The following SLC39A11 variants were observed in gnomAD, a reference collection of about 807,000 sequenced individuals.
SLC39A11 encodes solute carrier family 39 member 11.
Under a neutral mutation model 36.1 loss-of-function variants are expected in SLC39A11, and 33 were observed. The ratio of observed to expected loss-of-function variants is 0.91; its 90% CI spans 0.69 to 1.22. The LOEUF (loss-of-function observed/expected upper bound fraction) is 1.22. SLC39A11 is among the 50% of genes most tolerant of loss of function. The pLI is 0.00. For missense variants in SLC39A11, 432 were observed against 430.3 expected, an observed-to-expected ratio of 1.00 and a Z score of -0.03; for synonymous variants, 166 against 170.3, an observed-to-expected ratio of 0.97 and a Z score of 0.20.
intron 4 of SLC39A11, among the ~76,000 whole-genome samples, chr17:73,005,634 C>T (rs971550350): frequency 1.4e-4 from 21 of 152,172 alleles, no homozygotes; most frequent in African/African-American, 2.4e-4. Context: ...CATCTCAACA[C>T]GTGAGTCTGT....
At position 72,663,082 on chromosome 17, in the gene SLC39A11, A is replaced by T. The variant is rs760381210; in HGVS notation, c.672-13814T>A. 3.9e-5 allele frequency among the ~76,000 whole-genome samples: 6 copies of T among 152,336 alleles called. No homozygotes were observed. The South Asian group carries it at 6.2e-4, about 16-fold the overall frequency. On this transcript the variant is annotated intron_variant, in intron 7 of 9. Transcript: ENST00000255559. ...TTCTGAGTGAGAAAAACTAGACACA[A>T]AATAGTAAGTGTTGTACAGTCCTAT...
chr17:72,928,423 G>C (rs558301759), intron 5 of SLC39A11, among the ~76,000 whole-genome samples: 3 of 152,288 alleles, frequency 2.0e-5, no homozygotes, highest in South Asian at 2.1e-4. Context: ...AAAACAAAGG[G>C]ACCATCAGGA....
intron 6 of SLC39A11, among the ~76,000 whole-genome samples, chr17:72,767,833 T>C (rs1189650441): frequency 1.3e-5 from 2 of 152,122 alleles, no homozygotes; most frequent in Non-Finnish European, 2.9e-5. Context: ...AAAGACCTGC[T>C]GTACAAAGAA....
At chr17:72,889,119 C>G (rs549661154) in intron 5 of SLC39A11, among the ~76,000 whole-genome samples, 1 of 152,204 alleles carries the variant, frequency 6.6e-6, no homozygotes, top group Admixed American at 6.5e-5. Context: ...AATTTATAAA[C>G]GTTTAGAGAT....
intron 4 of SLC39A11, among the ~76,000 whole-genome samples, chr17:72,989,143 T>C (rs12940527): frequency 0.056 from 8,558 of 152,310 alleles, 283 homozygotes; most frequent in Non-Finnish European, 0.066. Flanking sequence ...AAAATGGTTA[T>C]GCTGGTCAGT....
intron 3 of SLC39A11, among the ~76,000 whole-genome samples, chr17:73,083,514 G>T (rs1157670498): frequency 6.6e-5 from 10 of 152,102 alleles, no homozygotes; most frequent in Admixed American, 6.6e-4. Context: ...CTTTTGATAT[G>T]GGTAATACAT....
At chr17:72,670,148 ACAC>A (rs776463412) in intron 7 of SLC39A11, among the ~76,000 whole-genome samples, 2 of 147,400 alleles carry the variant, frequency 1.4e-5, no homozygotes, top group East Asian at 2.0e-4. Flanking sequence ...ATACACACAC[ACAC>A]ATTTTATATA....
At chr17:72,764,243 G>A (rs1004039035) in intron 6 of SLC39A11, among the ~76,000 whole-genome samples, 2 of 152,086 alleles carry the variant, frequency 1.3e-5, no homozygotes, top group African/African-American at 4.8e-5. Flanking sequence ...GCTGACCTTT[G>A]GGGAGGTGGG....
chr17:72,955,006 T>C (rs887476506), intron 4 of SLC39A11, among the ~76,000 whole-genome samples: 3 of 152,332 alleles, frequency 2.0e-5, no homozygotes, highest in Non-Finnish European at 4.4e-5. Flanking sequence ...ACTTGGTCTC[T>C]CCTGGTTTTT....
intron 6 of SLC39A11, among the ~76,000 whole-genome samples, chr17:72,788,589 T>C (rs541829535): frequency 6.6e-6 from 1 of 152,312 alleles, no homozygotes; most frequent in East Asian, 1.9e-4. Flanking sequence ...AGAACTTGTC[T>C]CCAGAAAAGG....
chr17:72,809,858 TCAGGAGTTTGAGAC>T (rs1445209741), intron 6 of SLC39A11, among the ~76,000 whole-genome samples: 1 of 151,952 alleles, frequency 6.6e-6, no homozygotes, highest in African/African-American at 2.4e-5. Context: ...TCACTTGAGG[TCAGGAGTTTGAGAC>T]CAGCCTGGCC....
At chr17:72,653,638 C>T (rs990262125) in intron 7 of SLC39A11, among the ~76,000 whole-genome samples, 2 of 152,012 alleles carry the variant, frequency 1.3e-5, no homozygotes, top group African/African-American at 2.4e-5. Context: ...TGGGGTTTTA[C>T]CATGTTGGCC....
chr17:72,915,268 C>T (rs2083267513), intron 5 of SLC39A11, among the ~76,000 whole-genome samples: 1 of 152,182 alleles, frequency 6.6e-6, no homozygotes, highest in African/African-American at 2.4e-5. Flanking sequence ...CACTATTTCT[C>T]TCGCCCACCA....
chr17:72,937,848 G>A (rs2084869923), intron 5 of SLC39A11, among the ~76,000 whole-genome samples: 1 of 152,180 alleles, frequency 6.6e-6, no homozygotes, highest in Non-Finnish European at 1.5e-5. Flanking sequence ...AGAGACTTCT[G>A]GCTCACCACA....
intron 4 of SLC39A11, among the ~76,000 whole-genome samples, chr17:73,012,194 T>C (rs2090561429): frequency 6.6e-6 from 1 of 151,868 alleles, no homozygotes; most frequent in African/African-American, 2.4e-5. Flanking sequence ...AAGAATTGCT[T>C]GAACCCGGGA....
intron 6 of SLC39A11, among the ~76,000 whole-genome samples, chr17:72,750,111 T>C (rs1280141558): frequency 6.6e-6 from 1 of 152,004 alleles, no homozygotes; most frequent in Non-Finnish European, 1.5e-5. Context: ...CTGCAGCAGG[T>C]GGGTGGCGCC....
intron 6 of SLC39A11, among the ~76,000 whole-genome samples, chr17:72,758,636 G>A (rs1480535892): frequency 6.6e-6 from 1 of 152,186 alleles, no homozygotes; most frequent in Non-Finnish European, 1.5e-5. Flanking sequence ...GAACACGGGT[G>A]GGATGCTTGG....
chr17:72,789,946 C>G (rs1260388493), intron 6 of SLC39A11, among the ~76,000 whole-genome samples: 1 of 152,154 alleles, frequency 6.6e-6, no homozygotes, highest in Admixed American at 6.5e-5. Context: ...GTTTTTCTGA[C>G]TTCTCGTGGA....
intron 5 of SLC39A11, among the ~76,000 whole-genome samples, chr17:72,875,030 T>C (rs913981598): frequency 6.6e-6 from 1 of 151,954 alleles, no homozygotes. Context: ...GATGGGCAAA[T>C]ATATCTCAAA....
Sources: allele counts gnomAD v4.1 joint callset (sites outside exome capture counted in the v4.1 genomes callset), GRCh38; gene constraint gnomAD v4.1.1; transcripts MANE v1.5; gene names NCBI Gene and HGNC (gene_info 2026-07-23, HGNC 2026-07-21).